The following MCC variants were observed in gnomAD, a reference collection of about 807,000 sequenced individuals.
The protein encoded by MCC is colorectal mutant cancer protein.
In MCC, 90 loss-of-function variants were observed where a neutral mutation model predicts 116.2. That is an observed-to-expected ratio of 0.77 (90% CI 0.65 to 0.92). MCC has a LOEUF of 0.92. Ranked by LOEUF, MCC falls within the 40% of genes least tolerant of loss-of-function variation. The probability of loss-of-function intolerance (pLI) is 0.00; values close to 1 mark genes in which losing one functional copy is unlikely to be tolerated. For synonymous variants in MCC, 578 were observed against 510.5 expected (o/e 1.13, Z -1.78); for missense variants, 1,516 against 1,312.2 (o/e 1.16, Z -2.40).
intron 8 of MCC, among the ~76,000 whole-genome samples, chr5:113,090,406 C>A (rs962085637): frequency 2.0e-5 from 3 of 151,094 alleles, no homozygotes; most frequent in Non-Finnish European, 2.9e-5. Flanking sequence ...CTCAGTTGAG[C>A]TCTCTTTGAA....
At chr5:113,249,139 G>GCTCTCTCTCT (rs57174154) in intron 3 of MCC, among the ~76,000 whole-genome samples, 8 of 149,274 alleles carry the variant, frequency 5.4e-5, no homozygotes, top group South Asian at 2.1e-4. Flanking sequence ...ACCGCACCCA[G>GCTCTCTCTCT]CTCTCTCTCT....
rs112330256 is a variant in MCC, at chr5:113,307,955, C to G, written c.627+32564G>C. 9.9e-4 allele frequency among the ~76,000 whole-genome samples: 145 copies of G among 146,896 alleles called. 2 individuals are homozygous for G. The highest frequency in any genetic ancestry group is 3.3e-3 in the African/African-American group (136 of 41,220). On this transcript the variant is annotated intron_variant, in intron 3 of 18. Coordinates refer to ENST00000408903, the MANE Select transcript of MCC (RefSeq NM_001085377.2). The stretch of plus-strand genomic sequence containing the variant: ...CTTTCTCCTGCGTGGAGTGTCAGCT[C>G]CATTTGCCTGTCTAAATCCTTTTTT...
intron 17 of MCC, 66 bp from the exon 18 acceptor site, chr5:113,029,122 G>A: frequency 1.3e-6 from 2 of 1,485,740 alleles, no homozygotes; most frequent in South Asian, 1.3e-5. Flanking sequence ...CCCACTCCCT[G>A]GGAAGTGGTG....
chr5:113,196,686 A>G (rs1762426586), intron 3 of MCC, among the ~76,000 whole-genome samples: 1 of 149,938 alleles, frequency 6.7e-6, no homozygotes, highest in African/African-American at 2.5e-5. Flanking sequence ...CATCTCTATT[A>G]AAAATACAAA....
intron 3 of MCC, among the ~76,000 whole-genome samples, chr5:113,275,148 T>C (rs952562342): frequency 6.6e-6 from 1 of 151,974 alleles, no homozygotes; most frequent in Non-Finnish European, 1.5e-5. Context: ...ATTAATGAGC[T>C]CCTTAAAGGA....
intron 3 of MCC, among the ~76,000 whole-genome samples, chr5:113,199,972 A>AGAATTT (rs151230233): frequency 0.013 from 2,006 of 150,718 alleles, 41 homozygotes; most frequent in African/African-American, 0.046. Flanking sequence ...TATCTGAAAC[A>AGAATTT]GAATTTTTAT....
chr5:113,327,555 A>ATAT (rs1295231073), intron 3 of MCC, among the ~76,000 whole-genome samples: 26 of 80,912 alleles, frequency 3.2e-4, no homozygotes, highest in African/African-American at 1.2e-3. Context: ...CAAAAAAAAA[A>ATAT]AAAAAAATAT....
intron 17 of MCC, among the ~76,000 whole-genome samples, chr5:113,036,012 C>CTTTTTTTTTTTTTTTT (rs771378295): frequency 4.8e-5 from 3 of 62,942 alleles, no homozygotes; most frequent in African/African-American, 2.0e-4. Context: ...GGATGAGGAA[C>CTTTTTTTTTTTTTTTT]TTTTTTTTTT....
At position 113,417,341 on chromosome 5, in the gene MCC, G is replaced by C. The variant is rs113419379; in HGVS notation, c.171-32129C>G. Among the ~76,000 whole-genome samples, 88 of 152,220 alleles carry C rather than the reference G, an allele frequency of 5.8e-4. 1 individual carries two copies. Among genetic ancestry groups the C allele is most frequent in the African/African-American group, 2.0e-3 (84 of 41,530 alleles). On this transcript the variant is annotated intron_variant, in intron 1 of 18. Coordinates refer to ENST00000408903, the MANE Select transcript of MCC (RefSeq NM_001085377.2). ...CCTACAATTGTTTTAAAATCTACAGGCATTTTAGGAAAAGTCCCATACTTC... is the reference window on the plus strand; with the variant it reads ...CCTACAATTGTTTTAAAATCTACAGCCATTTTAGGAAAAGTCCCATACTTC...
chr5:113,252,244 C>A (rs1000551555), intron 3 of MCC, among the ~76,000 whole-genome samples: 1 of 152,118 alleles, frequency 6.6e-6, no homozygotes, highest in African/African-American at 2.4e-5. Flanking sequence ...CCCCAGCCCC[C>A]GGGCCCACAG....
chr5:113,025,440 C>T lies in MCC; in HGVS notation c.*1862G>A, dbSNP rs950330532. ...AGGAGTTCGAGACCAGCCTGGCCAA[C>T]ATGGTGAAACCCTGTCTCTACTAAA... is the stretch of plus-strand genomic sequence containing the variant. On this transcript the variant is annotated 3_prime_UTR_variant, in exon 19 of 19. Coordinates refer to ENST00000408903, the MANE Select transcript of MCC (RefSeq NM_001085377.2). The T allele has an allele frequency of 2.0e-5, 3 of 151,892 alleles. No homozygotes were observed. The highest frequency in any genetic ancestry group is 7.3e-5 in the African/African-American group (3 of 41,332). 9.4% of individuals were successfully genotyped at this position (151,892 alleles called of 1,614,324 possible). A position where few individuals can be genotyped will look rare whatever the true frequency, so the allele number is the denominator to read the frequency against.
intron 3 of MCC, among the ~76,000 whole-genome samples, chr5:113,196,296 A>G (rs1387227723): frequency 1.3e-5 from 2 of 152,192 alleles, no homozygotes; most frequent in Non-Finnish European, 1.5e-5. Flanking sequence ...CCTGGGTCAC[A>G]GTCAGGTGCC....
At chr5:113,121,640 C>G (rs537461422) in intron 6 of MCC, among the ~76,000 whole-genome samples, 1 of 152,248 alleles carries the variant, frequency 6.6e-6, no homozygotes, top group South Asian at 2.1e-4. Context: ...AATGTTGTAG[C>G]ACTTATAGGA....
chr5:113,352,775 G>T (rs529685956), intron 2 of MCC, among the ~76,000 whole-genome samples: 8 of 151,914 alleles, frequency 5.3e-5, no homozygotes, highest in Non-Finnish European at 1.0e-4. Flanking sequence ...CATTTGAATC[G>T]GTATTTGTGT....
At chr5:113,054,541 G>C (rs1752688393) in intron 14 of MCC, among the ~76,000 whole-genome samples, 2 of 152,252 alleles carry the variant, frequency 1.3e-5, no homozygotes, top group Non-Finnish European at 2.9e-5. Flanking sequence ...CCCAGGCTGT[G>C]GCAGCCGTCC....
intron 5 of MCC, among the ~76,000 whole-genome samples, chr5:113,126,900 T>C (rs1758084235): frequency 6.6e-6 from 1 of 152,186 alleles, no homozygotes; most frequent in African/African-American, 2.4e-5. Context: ...TTTAGGTTCA[T>C]GAGTACATGT....
At chr5:113,036,419 G>C (rs1181998930) in intron 17 of MCC, among the ~76,000 whole-genome samples, 1 of 152,142 alleles carries the variant, frequency 6.6e-6, no homozygotes, top group South Asian at 2.1e-4. Flanking sequence ...GTGCCCTTAC[G>C]CATCTCACTG....
intron 7 of MCC, among the ~76,000 whole-genome samples, chr5:113,103,445 C>G (rs541779414): frequency 6.6e-6 from 1 of 152,186 alleles, no homozygotes; most frequent in African/African-American, 2.4e-5. Context: ...AAAGAAACAC[C>G]AGCAATTGCT....
At chr5:113,468,379 T>G (rs1771976180) in intron 1 of MCC, among the ~76,000 whole-genome samples, 1 of 152,168 alleles carries the variant, frequency 6.6e-6, no homozygotes, top group Non-Finnish European at 1.5e-5. Context: ...TTATTGAGAG[T>G]TTTTAGCATG....
Sources: allele counts gnomAD v4.1 joint callset (sites outside exome capture counted in the v4.1 genomes callset), GRCh38; gene constraint gnomAD v4.1.1; transcripts MANE v1.5; gene names NCBI Gene and HGNC (gene_info 2026-07-23, HGNC 2026-07-21).